The following DSCAM variants were observed in gnomAD, a reference collection of about 807,000 sequenced individuals.
The protein encoded by DSCAM is DS cell adhesion molecule, also known as cell adhesion molecule DSCAM.
Under a neutral mutation model 217.7 loss-of-function variants are expected in DSCAM, and 47 were observed. The observed-to-expected ratio is 0.22, with a 90% CI of 0.17 to 0.28. DSCAM has a LOEUF of 0.28. Ranked by LOEUF, DSCAM falls within the 10% of genes least tolerant of loss-of-function variation. The probability of loss-of-function intolerance (pLI) is 1.00; values close to 1 mark genes in which losing one functional copy is unlikely to be tolerated. For synonymous variants in DSCAM, 1,056 were observed against 1,015.3 expected (o/e 1.04, Z -0.76); for missense variants, 2,080 against 2,618.3 (o/e 0.79, Z 4.49).
At chr21:40,733,566 T>C (rs1298051000) in intron 1 of DSCAM, among the ~76,000 whole-genome samples, 1 of 152,174 alleles carries the variant, frequency 6.6e-6, no homozygotes, top group Non-Finnish European at 1.5e-5. Context: ...ACCCAAAATG[T>C]CAATAGGCCG....
chr21:40,377,716 C>A (rs568881372), intron 3 of DSCAM, among the ~76,000 whole-genome samples: 1 of 151,696 alleles, frequency 6.6e-6, no homozygotes, highest in East Asian at 2.0e-4. Context: ...TGAAGGAAGG[C>A]GAGTGAAGGA....
In DSCAM at chr21:40,382,630, C is replaced by T. The variant is rs76857144; in HGVS notation, c.509-13385G>A. 3.3e-3 allele frequency among the ~76,000 whole-genome samples: 502 copies of T among 152,296 alleles called. 1 individual carries two copies. The highest frequency in any genetic ancestry group is 0.011 in the African/African-American group (440 of 41,572). On this transcript the variant is annotated intron_variant, in intron 3 of 32. Coordinates refer to ENST00000400454, the MANE Select transcript of DSCAM (RefSeq NM_001389.5). ...GCAAATATGTATACTTACAAGAACACGCAAGGGTAGAAACCATGTCAGATG... is the reference window on the plus strand; with the variant it reads ...GCAAATATGTATACTTACAAGAACATGCAAGGGTAGAAACCATGTCAGATG...
chr21:40,698,384 T>G (rs2090617697), intron 2 of DSCAM, among the ~76,000 whole-genome samples: 2 of 152,084 alleles, frequency 1.3e-5, no homozygotes, highest in South Asian at 4.1e-4. Flanking sequence ...AATCAAAACT[T>G]AAGTGGGGAA....
intron 18 of DSCAM, among the ~76,000 whole-genome samples, chr21:40,134,375 G>A (rs543946221): frequency 2.6e-5 from 4 of 152,276 alleles, no homozygotes; most frequent in East Asian, 1.9e-4. Context: ...CACTTAGGGC[G>A]ACACACACAC....
intron 3 of DSCAM, among the ~76,000 whole-genome samples, chr21:40,581,150 G>T (rs771040610): frequency 2.0e-4 from 30 of 152,186 alleles, no homozygotes; most frequent in African/African-American, 7.0e-4. Flanking sequence ...CTTTTAAATC[G>T]TAAGAGAATC....
In DSCAM at chr21:40,273,869, C is replaced by T. The variant is rs144070387; in HGVS notation, c.2356+2228G>A. Among the ~76,000 whole-genome samples the T allele has an allele frequency of 2.3e-3, 344 of 152,256 alleles. 3 individuals are homozygous for T. Among genetic ancestry groups the T allele is most frequent in the Middle Eastern group, 0.02 (6 of 294 alleles). ...CCTTCGATAAGGACACTAATTCCAT[C>T]CCTGAGGGCTCCCCCTTTGTGACCC... On this transcript the variant is annotated intron_variant, in intron 11 of 32. Transcript: ENST00000400454.
At chr21:40,305,622 G>C (rs1048846625) in intron 9 of DSCAM, among the ~76,000 whole-genome samples, 1 of 152,074 alleles carries the variant, frequency 6.6e-6, no homozygotes, top group Non-Finnish European at 1.5e-5. Flanking sequence ...TTTTGTATAA[G>C]GTGTAAGGAA....
At chr21:40,448,528 GC>G (rs1423544467) in intron 3 of DSCAM, among the ~76,000 whole-genome samples, 2 of 152,032 alleles carry the variant, frequency 1.3e-5, no homozygotes, top group African/African-American at 4.8e-5. Flanking sequence ...TCCTGGTTCA[GC>G]TTGTAGGGAA....
At chr21:40,217,207 C>T (rs758194481) in intron 11 of DSCAM, among the ~76,000 whole-genome samples, 1 of 151,956 alleles carries the variant, frequency 6.6e-6, no homozygotes, top group Non-Finnish European at 1.5e-5. Context: ...TTTCTGATTG[C>T]AAATGAATAG....
chr21:40,421,967 G>A (rs903846957), intron 3 of DSCAM, among the ~76,000 whole-genome samples: 1 of 152,190 alleles, frequency 6.6e-6, no homozygotes, highest in Non-Finnish European at 1.5e-5. Flanking sequence ...CTCTGAGCAT[G>A]TAATGCATAT....
chr21:40,481,426 C>A (rs927305029), intron 3 of DSCAM, among the ~76,000 whole-genome samples: 6 of 148,296 alleles, frequency 4.0e-5, no homozygotes, highest in Non-Finnish European at 7.4e-5. Flanking sequence ...GGAGGCAAAG[C>A]TTGCAGAGAA....
intron 3 of DSCAM, among the ~76,000 whole-genome samples, chr21:40,392,537 G>T (rs772941182): frequency 1.3e-5 from 2 of 152,196 alleles, no homozygotes; most frequent in Non-Finnish European, 2.9e-5. Flanking sequence ...TGAATTTATT[G>T]TAAGTATCCT....
At chr21:40,227,348 T>G (rs2091342595) in intron 11 of DSCAM, among the ~76,000 whole-genome samples, 1 of 152,184 alleles carries the variant, frequency 6.6e-6, no homozygotes, top group Non-Finnish European at 1.5e-5. Flanking sequence ...GCTGCCACCT[T>G]CCTGAAGATA....
At chr21:40,403,482 A>C (rs567266588) in intron 3 of DSCAM, among the ~76,000 whole-genome samples, 3 of 152,244 alleles carry the variant, frequency 2.0e-5, no homozygotes, top group African/African-American at 4.8e-5. Context: ...GACAATGCCC[A>C]GTGGAATTTT....
intron 3 of DSCAM, among the ~76,000 whole-genome samples, chr21:40,438,893 G>T (rs1425224746): frequency 6.6e-6 from 1 of 152,006 alleles, no homozygotes; most frequent in East Asian, 1.9e-4. Flanking sequence ...CGACATCTTA[G>T]ATTTATAAAT....
At chr21:40,827,926 A>G (rs1406027694) in intron 1 of DSCAM, among the ~76,000 whole-genome samples, 1 of 152,260 alleles carries the variant, frequency 6.6e-6, no homozygotes, top group Non-Finnish European at 1.5e-5. Context: ...AAGCACTAGT[A>G]TACTCAATTC....
At chr21:40,109,976 A>T (rs147758602) in intron 20 of DSCAM, among the ~76,000 whole-genome samples, 2,123 of 152,180 alleles carry the variant, frequency 0.014, 51 homozygotes, top group African/African-American at 0.048. Flanking sequence ...GCCTCTGTAG[A>T]CTCCACCTCT....
intron 1 of DSCAM, among the ~76,000 whole-genome samples, chr21:40,815,917 G>C (rs2091877544): frequency 6.6e-6 from 1 of 152,200 alleles, no homozygotes; most frequent in South Asian, 2.1e-4. Flanking sequence ...CATTTAGAAA[G>C]TGCTCAGTAG....
At chr21:40,824,085 C>G (rs1324663827) in intron 1 of DSCAM, among the ~76,000 whole-genome samples, 1 of 152,164 alleles carries the variant, frequency 6.6e-6, no homozygotes, top group Non-Finnish European at 1.5e-5. Context: ...TAGACCCAAC[C>G]TTATCAGCAG....
Sources: allele counts gnomAD v4.1 joint callset (sites outside exome capture counted in the v4.1 genomes callset), GRCh38; gene constraint gnomAD v4.1.1; transcripts MANE v1.5; gene names NCBI Gene and HGNC (gene_info 2026-07-23, HGNC 2026-07-21).